CYP4X1: variants seen among roughly 807,000 people sequenced by gnomAD.
The protein encoded by CYP4X1 is cytochrome P450 family 4 subfamily X member 1, also known as cytochrome P450 4X1.
CYP4X1 carries 44 observed loss-of-function variants against 57.9 expected under a neutral mutation model. The observed-to-expected ratio is 0.76, with a 90% CI of 0.60 to 0.98. The LOEUF is 0.98. Ranked by LOEUF, CYP4X1 falls within the 50% of genes least tolerant of loss-of-function variation. CYP4X1 has a pLI of 0.00. For missense variants in CYP4X1, 532 were observed against 623.9 expected (o/e 0.85, Z 1.57); for synonymous variants, 227 against 228.6 (o/e 0.99, Z 0.06).
chr1:47,049,898 A>G (rs1644343617), intron 11 of CYP4X1, 102 bp from the exon 12 acceptor site: 1 of 1,209,782 alleles, frequency 8.3e-7, no homozygotes, highest in Non-Finnish European at 1.2e-6. Flanking sequence ...GTGGAAAAAT[A>G]TCACTTTACT....
intron 9 of CYP4X1, among the ~76,000 whole-genome samples, chr1:47,047,969 A>G (rs1644320092): frequency 6.6e-6 from 1 of 152,100 alleles, no homozygotes; most frequent in African/African-American, 2.4e-5. Flanking sequence ...TAGGCCAGGC[A>G]CAGTGGCTGA....
upstream of CYP4X1, among the ~76,000 whole-genome samples, chr1:47,019,617 A>C (rs1643975843): frequency 6.6e-6 from 1 of 152,172 alleles, no homozygotes; most frequent in African/African-American, 2.4e-5. Context: ...CCACCATCAT[A>C]TCTTATCTGA....
the CYP4X1 span, among the ~76,000 whole-genome samples, chr1:46,993,957 G>A: frequency 6.6e-6 from 1 of 152,092 alleles, no homozygotes; most frequent in Non-Finnish European, 1.5e-5. Flanking sequence ...TGTCAATTTT[G>A]GCTTTTGTTG....
chr1:46,998,508 T>C, the CYP4X1 span, among the ~76,000 whole-genome samples: 1 of 152,164 alleles, frequency 6.6e-6, no homozygotes, highest in East Asian at 1.9e-4. Flanking sequence ...AGTTTGCAAA[T>C]ATTTTCTCCC....
chr1:47,000,485 T>C, the CYP4X1 span, among the ~76,000 whole-genome samples: 1 of 152,124 alleles, frequency 6.6e-6, no homozygotes, highest in Non-Finnish European at 1.5e-5. Flanking sequence ...CACAACTTGT[T>C]TTCACTCATA....
rs2148509659 is a variant in CYP4X1, at chr1:47,035,946, A to G, written c.620+13A>G. The G allele has an allele frequency of 6.2e-7, 1 of 1,612,620 alleles. No homozygotes were observed. The highest frequency in any genetic ancestry group is 2.2e-5 in the East Asian group (1 of 44,842). ...GCCAGACAAACAGGTCAGTGGTGGG[A>G]GAGCAAAAAAGATATTTCTTCACAT... On this transcript the variant is annotated intron_variant, in intron 5 of 11. Coordinates refer to ENST00000371901, the MANE Select transcript of CYP4X1 (RefSeq NM_178033.2).
At chr1:46,970,001 C>T in the CYP4X1 span, among the ~76,000 whole-genome samples, 1 of 152,220 alleles carries the variant, frequency 6.6e-6, no homozygotes, top group African/African-American at 2.4e-5. Context: ...GTTAACCTTT[C>T]ATTTGTATGA....
At chr1:47,020,113 C>T (rs965898475), upstream of CYP4X1, among the ~76,000 whole-genome samples, 4 of 152,212 alleles carry the variant, frequency 2.6e-5, no homozygotes, top group Non-Finnish European at 5.9e-5. Context: ...CTCTCTGAGA[C>T]TTGAAGCTCT....
At chr1:47,034,358 GTC>G (rs770383591) in intron 4 of CYP4X1, among the ~76,000 whole-genome samples, 3 of 152,152 alleles carry the variant, frequency 2.0e-5, no homozygotes, top group Non-Finnish European at 4.4e-5. Flanking sequence ...CCTGTGAGTG[GTC>G]TCTGATTTAT....
chr1:47,011,564 T>G, the CYP4X1 span, among the ~76,000 whole-genome samples: 3 of 152,172 alleles, frequency 2.0e-5, no homozygotes, highest in Non-Finnish European at 2.9e-5. Flanking sequence ...AAATGTGATC[T>G]AATTAAACTA....
the CYP4X1 span, among the ~76,000 whole-genome samples, chr1:46,992,739 T>C: frequency 1.3e-5 from 2 of 152,188 alleles, no homozygotes; most frequent in African/African-American, 4.8e-5. Flanking sequence ...CAAATCCCTG[T>C]TTTCAATTCT....
At chr1:47,014,156 G>A in the CYP4X1 span, among the ~76,000 whole-genome samples, 2 of 152,130 alleles carry the variant, frequency 1.3e-5, no homozygotes, top group Non-Finnish European at 2.9e-5. Flanking sequence ...TATTGACATT[G>A]TAAAATTAAA....
intron 6 of CYP4X1, among the ~76,000 whole-genome samples, chr1:47,038,194 C>T (rs771754211): frequency 4.4e-4 from 67 of 152,146 alleles, no homozygotes; most frequent in Non-Finnish European, 1.2e-4. Flanking sequence ...ACATGTACCC[C>T]TGTATCTAAA....
chr1:47,003,053 C>G, the CYP4X1 span: 1 of 152,040 alleles, frequency 6.6e-6, no homozygotes, highest in Non-Finnish European at 1.5e-5. Context: ...GAACTTTGCG[C>G]CCCCCACAGC....
At chr1:46,983,236 C>T in the CYP4X1 span, among the ~76,000 whole-genome samples, 1 of 152,112 alleles carries the variant, frequency 6.6e-6, no homozygotes, top group Non-Finnish European at 1.5e-5. Context: ...GCAACTCCAC[C>T]ACAGAGAGAC....
the CYP4X1 span, among the ~76,000 whole-genome samples, chr1:46,983,791 T>C: frequency 6.6e-6 from 1 of 152,082 alleles, no homozygotes; most frequent in East Asian, 1.9e-4. Flanking sequence ...CTCTGGGAGC[T>C]CCAGCCCAGA....
chr1:46,972,748 G>A, the CYP4X1 span, among the ~76,000 whole-genome samples: 2 of 152,040 alleles, frequency 1.3e-5, no homozygotes, highest in African/African-American at 4.8e-5. Context: ...GATGCTGCTG[G>A]TGTGTAGAAA....
chr1:47,026,535 CT>C (rs1644067112), intron 1 of CYP4X1, among the ~76,000 whole-genome samples: 1 of 152,050 alleles, frequency 6.6e-6, no homozygotes, highest in Non-Finnish European at 1.5e-5. Flanking sequence ...CCTTGAGTTT[CT>C]ATACAAATTT....
chr1:47,046,646 C>T (rs754545262), intron 9 of CYP4X1, 46 bp downstream of exon 9: 15 of 1,612,892 alleles, frequency 9.3e-6, no homozygotes, highest in Non-Finnish European at 1.3e-5. Flanking sequence ...CTATGGGATC[C>T]TGGAGACCAC....
Sources: allele counts gnomAD v4.1 joint callset (sites outside exome capture counted in the v4.1 genomes callset), GRCh38; gene constraint gnomAD v4.1.1; transcripts MANE v1.5; gene names NCBI Gene and HGNC (gene_info 2026-07-23, HGNC 2026-07-21).